The following RERG variants were observed in gnomAD, a reference collection of about 807,000 sequenced individuals.
RERG encodes the protein ras-related and estrogen-regulated growth inhibitor.
A neutral mutation model predicts 23.2 loss-of-function variants in RERG; 25 were observed. The observed-to-expected ratio is 1.08, with a 90% CI of 0.79 to 1.50. The LOEUF (loss-of-function observed/expected upper bound fraction) is 1.50. Ranked by LOEUF, RERG falls within the 40% of genes most tolerant of loss-of-function variation. The pLI is 0.00. For synonymous variants in RERG, 81 were observed against 89.1 expected (o/e 0.91, Z 0.51); for missense variants, 253 against 250.1 (o/e 1.01, Z -0.08).
chr12:15,193,969 T>C (rs1865107610), intron 2 of RERG, among the ~76,000 whole-genome samples: 2 of 152,126 alleles, frequency 1.3e-5, no homozygotes, highest in African/African-American at 2.4e-5. Context: ...TTATTCTTAC[T>C]TTCCCATCCC....
intron 2 of RERG, among the ~76,000 whole-genome samples, chr12:15,136,507 C>A (rs905905947): frequency 2.2e-4 from 34 of 151,808 alleles, no homozygotes; most frequent in Admixed American, 1.7e-3. Context: ...GATTTTAGAT[C>A]TTTATTCCCT....
At chr12:15,140,246 T>C (rs995826593) in intron 2 of RERG, among the ~76,000 whole-genome samples, 2 of 151,300 alleles carry the variant, frequency 1.3e-5, no homozygotes, top group African/African-American at 4.9e-5. Flanking sequence ...CCCCTGAGAG[T>C]TCTCTCACTC....
At chr12:15,171,224 T>C (rs759476546) in intron 2 of RERG, among the ~76,000 whole-genome samples, 12 of 152,222 alleles carry the variant, frequency 7.9e-5, no homozygotes, top group Non-Finnish European at 1.5e-4. Flanking sequence ...CTGCCAAGTA[T>C]GAGTTGATTA....
intron 2 of RERG, among the ~76,000 whole-genome samples, chr12:15,201,020 T>A (rs1384860907): frequency 6.6e-6 from 1 of 151,892 alleles, no homozygotes; most frequent in Non-Finnish European, 1.5e-5. Flanking sequence ...CATGAAATCA[T>A]AGGCAGAATT....
At chr12:15,166,665 T>C (rs1023454922) in intron 2 of RERG, among the ~76,000 whole-genome samples, 2 of 152,074 alleles carry the variant, frequency 1.3e-5, no homozygotes, top group Non-Finnish European at 2.9e-5. Flanking sequence ...AATGACTTTA[T>C]GGTAAGATAT....
At chr12:15,161,147 AAAG>A (rs1864600904) in intron 2 of RERG, among the ~76,000 whole-genome samples, 2 of 74,342 alleles carry the variant, frequency 2.7e-5, no homozygotes, top group East Asian at 3.3e-4. Flanking sequence ...AAAAAGAAAG[AAAG>A]AAAGAAAGAA....
Position 15,191,270 on chromosome 12 carries a change from G to C in RERG, c.61+26159C>G, listed in dbSNP as rs1335278254. Among the ~76,000 whole-genome samples, 3 of 152,108 alleles carry C rather than the reference G, an allele frequency of 2.0e-5. No individual in the cohort carries two copies. The East Asian group carries it at 5.8e-4, about 29-fold the overall frequency. On this transcript the variant is annotated intron_variant, in intron 2 of 4. Coordinates refer to ENST00000256953, the MANE Select transcript of RERG (RefSeq NM_032918.3). ...AAATGATTTACTAATTCTAGATGTAGAATTGAACATTCTAAACAGTAAATC... is the reference window on the plus strand; with the variant it reads ...AAATGATTTACTAATTCTAGATGTACAATTGAACATTCTAAACAGTAAATC...
At chr12:15,128,422 T>A (rs1331762910) in intron 2 of RERG, among the ~76,000 whole-genome samples, 1 of 120,228 alleles carries the variant, frequency 8.3e-6, no homozygotes, top group Non-Finnish European at 1.8e-5. Flanking sequence ...ACAATAAAAA[T>A]TAGCATACCA....
At chr12:15,148,747 T>C (rs1864377158) in intron 2 of RERG, among the ~76,000 whole-genome samples, 1 of 151,634 alleles carries the variant, frequency 6.6e-6, no homozygotes, top group Non-Finnish European at 1.5e-5. Context: ...TCCAGCATCA[T>C]TATTAACATG....
intron 2 of RERG, among the ~76,000 whole-genome samples, chr12:15,145,910 T>TTGC (rs1460640318): frequency 1.3e-5 from 2 of 152,242 alleles, no homozygotes; most frequent in Non-Finnish European, 2.9e-5. Flanking sequence ...ACAGTTACAG[T>TTGC]TGCTTTCCAT....
chr12:15,219,709 G>A (rs949121653), intron 1 of RERG, among the ~76,000 whole-genome samples: 1 of 152,144 alleles, frequency 6.6e-6, no homozygotes, highest in African/African-American at 2.4e-5. Flanking sequence ...CATTGAACAC[G>A]CAAGTGTCTG....
At chr12:15,166,730 GT>G (rs1289809086) in intron 2 of RERG, among the ~76,000 whole-genome samples, 1 of 151,254 alleles carries the variant, frequency 6.6e-6, no homozygotes, top group Non-Finnish European at 1.5e-5. Context: ...TATTCAGAAT[GT>G]TGTGTCAACC....
chr12:15,210,561 C>G (rs1865353055), intron 2 of RERG, among the ~76,000 whole-genome samples: 1 of 151,974 alleles, frequency 6.6e-6, no homozygotes, highest in African/African-American at 2.4e-5. Context: ...TAACAATTCA[C>G]TTTCATTTTT....
chr12:15,167,085 G>A (rs1227544015), intron 2 of RERG, among the ~76,000 whole-genome samples: 1 of 152,166 alleles, frequency 6.6e-6, no homozygotes, highest in Non-Finnish European at 1.5e-5. Context: ...CCTTGGTGCA[G>A]AGGGTACATT....
At chr12:15,112,502 A>G (rs1863638685) in intron 3 of RERG, 1 of 152,242 alleles carries the variant, frequency 6.6e-6, no homozygotes, top group South Asian at 2.1e-4. Context: ...TAGCAGGTGC[A>G]AGAAGACTGG....
intron 2 of RERG, chr12:15,151,796 G>A (rs2136107926): frequency 6.6e-6 from 1 of 152,252 alleles, no homozygotes; most frequent in Admixed American, 6.5e-5. Context: ...CTTTTATTAT[G>A]CTTCCTTTTC....
chr12:15,142,278 C>G (rs1375513768), intron 2 of RERG, among the ~76,000 whole-genome samples: 1 of 152,130 alleles, frequency 6.6e-6, no homozygotes, highest in African/African-American at 2.4e-5. Context: ...ATCTTATGTT[C>G]ATTTCAACAC....
intron 2 of RERG, among the ~76,000 whole-genome samples, chr12:15,170,605 G>A (rs1299843086): frequency 2.6e-5 from 4 of 152,052 alleles, no homozygotes; most frequent in Non-Finnish European, 2.9e-5. Flanking sequence ...TTACCTTTTG[G>A]ATCCAGACTT....
In RERG at chr12:15,175,333, C is replaced by CTGTGTGTGTGTGTG. The variant is rs532399275; in HGVS notation, c.61+42082_61+42095dup. Among the ~76,000 whole-genome samples the CTGTGTGTGTGTGTG allele has an allele frequency of 1.7e-3, 189 of 112,246 alleles. 5 individuals are homozygous for CTGTGTGTGTGTGTG. Among genetic ancestry groups the CTGTGTGTGTGTGTG allele is most frequent in the East Asian group, 4.4e-3 (16 of 3,638 alleles). 73.6% of individuals were successfully genotyped at this position (112,246 alleles called of 152,430 possible). A position where few individuals can be genotyped will look rare whatever the true frequency, so the allele number is the denominator to read the frequency against. On this transcript the variant is annotated intron_variant, in intron 2 of 4. Coordinates refer to ENST00000256953, the MANE Select transcript of RERG (RefSeq NM_032918.3). ...ATCTTTCAACCTTTACTCTCAGGCT[C>CTGTGTGTGTGTGTG]TGTGTGTGTGTGTGTGTGTGTGTGT... is the stretch of plus-strand genomic sequence containing the variant.
Sources: allele counts gnomAD v4.1 joint callset (sites outside exome capture counted in the v4.1 genomes callset), GRCh38; gene constraint gnomAD v4.1.1; transcripts MANE v1.5; gene names NCBI Gene and HGNC (gene_info 2026-07-23, HGNC 2026-07-21).